The following DSCAM variants were observed in gnomAD, a reference collection of about 807,000 sequenced individuals.
DSCAM encodes the protein cell adhesion molecule DSCAM.
A neutral mutation model predicts 217.7 loss-of-function variants in DSCAM; 47 were observed. The ratio of observed to expected loss-of-function variants is 0.22; its 90% confidence interval spans 0.17 to 0.28. DSCAM has a LOEUF of 0.28. DSCAM is among the 10% of genes least tolerant of loss of function. The probability of loss-of-function intolerance (pLI) is 1.00; values close to 1 mark genes in which losing one functional copy is unlikely to be tolerated. For missense variants in DSCAM, 2,080 were observed against 2,618.3 expected (o/e 0.79, Z 4.49); for synonymous variants, 1,056 against 1,015.3 (o/e 1.04, Z -0.76).
At chr21:40,465,584 C>T (rs1161386759) in intron 3 of DSCAM, among the ~76,000 whole-genome samples, 1 of 152,168 alleles carries the variant, frequency 6.6e-6, no homozygotes, top group Non-Finnish European at 1.5e-5. Flanking sequence ...GCAGGCCACC[C>T]GCGGCCCAGG....
At chr21:40,597,131 C>G (rs979688017) in intron 3 of DSCAM, among the ~76,000 whole-genome samples, 6 of 152,158 alleles carry the variant, frequency 3.9e-5, no homozygotes, top group African/African-American at 1.2e-4. Context: ...AAAACACACT[C>G]TCAATAAATA....
rs556993294 is a variant in DSCAM at position 40,189,184 on chromosome 21, T to C, written c.2411A>G (p.Lys804Arg). Residue 804 changes from lysine (K) to arginine (R), a missense_variant, in exon 12 of 33, where the codon AAA becomes AGA. Lys to Arg is a conservative substitution (Grantham distance 26). Transcript: ENST00000400454. ...PNTTLATQGQKKEMSCTAHGE... is the reference protein window; with the variant it reads ...PNTTLATQGQRKEMSCTAHGE... ...ATGCGCCGTGCAGCTCATCTCCTTT[T>C]TCTGCCCCTGCGTGGCCAGGGTAGT... 1.1e-5 allele frequency: 17 copies of C among 1,613,200 alleles called. No homozygotes were observed. The Admixed American group carries it at 2.7e-4, about 25-fold the overall frequency.
intron 3 of DSCAM, among the ~76,000 whole-genome samples, chr21:40,683,713 G>T (rs867123001): frequency 6.6e-6 from 1 of 152,092 alleles, no homozygotes; most frequent in Non-Finnish European, 1.5e-5. Flanking sequence ...GAGAGAACGT[G>T]GGGCTGAGCC....
Position 40,207,865 on chromosome 21 carries a change from C to T in DSCAM, c.2357-18627G>A, listed in dbSNP as rs567861355. Among the ~76,000 whole-genome samples, 18 of 152,274 alleles carry T rather than the reference C, an allele frequency of 1.2e-4. No individual in the cohort carries two copies. The South Asian group carries it at 3.7e-3, about 32-fold the overall frequency. On this transcript the variant is annotated intron_variant, in intron 11 of 32. Coordinates refer to ENST00000400454, the MANE Select transcript of DSCAM (RefSeq NM_001389.5). ...GATAACCATCTTCACCTGGGGTCCTCACACGGTCACTCCTCCATGTGTGTG... is the reference window on the plus strand; with the variant it reads ...GATAACCATCTTCACCTGGGGTCCTTACACGGTCACTCCTCCATGTGTGTG...
At chr21:40,639,001 T>G (rs2089843180) in intron 3 of DSCAM, among the ~76,000 whole-genome samples, 1 of 152,172 alleles carries the variant, frequency 6.6e-6, no homozygotes, top group African/African-American at 2.4e-5. Flanking sequence ...GCTTCAGTTC[T>G]GTGACAGCTT....
At chr21:40,090,839 C>T (rs924672955) in intron 21 of DSCAM, among the ~76,000 whole-genome samples, 9 of 152,180 alleles carry the variant, frequency 5.9e-5, no homozygotes, top group African/African-American at 1.2e-4. Flanking sequence ...AATGGCTCTT[C>T]GTCACCTTGG....
chr21:40,033,416 CG>C (rs1389034634), intron 32 of DSCAM, among the ~76,000 whole-genome samples: 1 of 152,158 alleles, frequency 6.6e-6, no homozygotes, highest in East Asian at 1.9e-4. Flanking sequence ...GGGTGACGGA[CG>C]GCACCTGGAA....
intron 9 of DSCAM, among the ~76,000 whole-genome samples, chr21:40,307,973 A>G (rs1024424324): frequency 4.0e-5 from 6 of 151,338 alleles, no homozygotes; most frequent in Admixed American, 3.3e-4. Context: ...TAGGAGATAT[A>G]CCTAATGCTA....
intron 4 of DSCAM, among the ~76,000 whole-genome samples, chr21:40,356,802 C>A (rs2074698306): frequency 2.0e-5 from 3 of 152,114 alleles, no homozygotes; most frequent in Admixed American, 1.3e-4. Context: ...ACAATAACAT[C>A]AAAAAATCAT....
chr21:40,712,169 A>G (rs11702167), intron 1 of DSCAM, among the ~76,000 whole-genome samples: 3 of 152,218 alleles, frequency 2.0e-5, no homozygotes, highest in Non-Finnish European at 4.4e-5. Flanking sequence ...AGGCAATGAC[A>G]CAACTAAGAC....
intron 18 of DSCAM, 61 bp downstream of exon 18, chr21:40,142,497 C>G (rs970512862): frequency 4.3e-5 from 68 of 1,596,104 alleles, no homozygotes; most frequent in Non-Finnish European, 5.6e-5. Flanking sequence ...TAGGAGGGGT[C>G]TGCAAATTCC....
chr21:40,455,798 G>T (rs563089651), intron 3 of DSCAM, among the ~76,000 whole-genome samples: 1 of 151,786 alleles, frequency 6.6e-6, no homozygotes, highest in South Asian at 2.1e-4. Context: ...ACAAAAAAAC[G>T]ACATGGATGA....
chr21:40,187,820 G>T, intron 13 of DSCAM, 71 bp downstream of exon 13: 1 of 1,313,788 alleles, frequency 7.6e-7, no homozygotes, highest in Non-Finnish European at 1.1e-6. Flanking sequence ...ACACAGAGAT[G>T]CCTGAGGCTG....
intron 3 of DSCAM, among the ~76,000 whole-genome samples, chr21:40,596,756 C>T (rs979635606): frequency 6.6e-6 from 1 of 152,098 alleles, no homozygotes; most frequent in African/African-American, 2.4e-5. Flanking sequence ...TTAAGGGAAA[C>T]ATAGAATGAT....
intron 3 of DSCAM, among the ~76,000 whole-genome samples, chr21:40,471,079 C>A (rs147110225): frequency 1.3e-5 from 2 of 152,062 alleles, no homozygotes; most frequent in Non-Finnish European, 2.9e-5. Context: ...TGTGTCAGAG[C>A]GGATAAAAAC....
intron 3 of DSCAM, among the ~76,000 whole-genome samples, chr21:40,634,178 A>G (rs568421964): frequency 3.9e-5 from 6 of 152,332 alleles, no homozygotes; most frequent in Admixed American, 3.3e-4. Flanking sequence ...CACAAGAGTT[A>G]CATTTAAGAA....
At chr21:40,125,901 C>A (rs781542262) in intron 19 of DSCAM, among the ~76,000 whole-genome samples, 1 of 152,146 alleles carries the variant, frequency 6.6e-6, no homozygotes, top group Non-Finnish European at 1.5e-5. Context: ...ACTCTCAGTC[C>A]TTTCCATAAA....
chr21:40,739,207 G>A (rs901302575), intron 1 of DSCAM, among the ~76,000 whole-genome samples: 3 of 151,798 alleles, frequency 2.0e-5, no homozygotes, highest in East Asian at 3.9e-4. Context: ...CTAGACAGGC[G>A]ACAAGAGGAC....
intron 12 of DSCAM, 74 bp from the exon 13 acceptor site, chr21:40,188,061 C>A: frequency 8.9e-7 from 1 of 1,125,860 alleles, no homozygotes. Context: ...CTCTCTCTCT[C>A]CACTCTTTCA....
Sources: gnomAD v4.1 joint callset for allele counts (sites outside exome capture counted in the v4.1 genomes callset) on GRCh38, gnomAD v4.1.1 for gene constraint, MANE v1.5 for transcripts, NCBI Gene and HGNC (gene_info 2026-07-23, HGNC 2026-07-21) for gene names.